Variants in PLEKHA4 observed in about 807,000 individuals in gnomAD.
The protein encoded by PLEKHA4 is pleckstrin homology domain-containing family A member 4.
A neutral mutation model predicts 94.7 loss-of-function variants in PLEKHA4; 73 were observed. The ratio of observed to expected loss-of-function variants is 0.77; its 90% CI spans 0.64 to 0.94. The LOEUF (loss-of-function observed/expected upper bound fraction) is 0.94, where lower values mean the gene tolerates loss of function less well. Among genes scored for constraint, PLEKHA4 ranks in the 40% least tolerant of loss-of-function variants. PLEKHA4 has a pLI of 0.00. For synonymous variants in PLEKHA4, 449 were observed against 437.1 expected, an observed-to-expected ratio of 1.03 and a Z score of -0.34; for missense variants, 1,049 against 1,054.1, an observed-to-expected ratio of 1.00 and a Z score of 0.07.
chr19:48,839,379 GT>G, intron 17 of PLEKHA4, 116 bp from the exon 18 acceptor site: 2 of 552,608 alleles, frequency 3.6e-6, no homozygotes, highest in South Asian at 3.8e-5. Context: ...CACTGGCAAT[GT>G]TTTGTTTTGT....
chr19:48,862,087 G>C (rs2036663909), intron 3 of PLEKHA4, among the ~76,000 whole-genome samples: 1 of 151,968 alleles, frequency 6.6e-6, no homozygotes, highest in African/African-American at 2.4e-5. Context: ...AAGACCCAGA[G>C]AGACAGAAGA....
At position 48,857,495 on chromosome 19, in the gene PLEKHA4, G is replaced by T; in HGVS notation, c.974C>A (p.Ala325Glu). The T allele has an allele frequency of 6.4e-7, 1 of 1,552,316 alleles. No homozygotes were observed. The highest frequency in any genetic ancestry group is 8.8e-7 in the Non-Finnish European group (1 of 1,139,798). The change falls in exon 9 of 20, where the codon GCA (alanine) becomes GAA (glutamate). Residue 325 changes from alanine to glutamate, a missense_variant and splice_region_variant. Physicochemically the swap from Ala to Glu is moderately radical, Grantham distance 107 (BLOSUM62 -1). Coordinates refer to ENST00000263265, the MANE Select transcript of PLEKHA4 (RefSeq NM_020904.3). ...QHWSQEPRTQ[A>E]HSGSPTYLQL... ...GAGATAAGTGGGGGAGCCAGAGTGTGCCTGGGAGGAACGTTGAAATGGAGA... is the reference window on the plus strand; with the variant it reads ...GAGATAAGTGGGGGAGCCAGAGTGTTCCTGGGAGGAACGTTGAAATGGAGA...
At chr19:48,862,204 C>CTTATTT in intron 3 of PLEKHA4, among the ~76,000 whole-genome samples, 1 of 135,512 alleles carries the variant, frequency 7.4e-6, no homozygotes, top group South Asian at 2.3e-4. Context: ...TTTTCTCTCT[C>CTTATTT]TTTTTTTTTT....
intron 13 of PLEKHA4, 125 bp from the exon 14 acceptor site, chr19:48,848,165 TC>T: frequency 9.0e-7 from 1 of 1,113,498 alleles, no homozygotes; most frequent in Non-Finnish European, 1.3e-6. Flanking sequence ...TTATTTTTTT[TC>T]CCATGTGGTT....
chr19:48,858,839 C>T, intron 8 of PLEKHA4, 21 bp downstream of exon 8: 2 of 1,613,292 alleles, frequency 1.2e-6, no homozygotes, highest in African/African-American at 1.3e-5. Flanking sequence ...GTAGTCCCCT[C>T]CTTCTCACCT....
In PLEKHA4 at chr19:48,867,667, G is replaced by A. The variant is rs1056858537; in HGVS notation, c.-6-41C>T. The A allele has an allele frequency of 1.7e-5, 26 of 1,534,990 alleles. No individual in the cohort carries two copies. Among genetic ancestry groups the A allele is most frequent in the Admixed American group, 3.9e-5 (2 of 51,066 alleles). ...AAAGGGGCTGTGTCTCTGCAGTGAC[G>A]GGTGTGAGACAGAGATGGGGTCAGG... On this transcript the variant is annotated intron_variant, in intron 1 of 19. Coordinates refer to ENST00000263265, the MANE Select transcript of PLEKHA4 (RefSeq NM_020904.3). This position sits in a 1 kb window ranked among gnomAD's most constrained non-coding sequence, Gnocchi z 4.7.
chr19:48,839,690 T>C (rs1256717642), intron 17 of PLEKHA4, among the ~76,000 whole-genome samples: 1 of 151,032 alleles, frequency 6.6e-6, no homozygotes, highest in Admixed American at 6.6e-5. Flanking sequence ...GGGTGAGCCA[T>C]AGCACCCAGT....
At chr19:48,844,799 G>A (rs1009208718) in intron 16 of PLEKHA4, among the ~76,000 whole-genome samples, 2 of 147,814 alleles carry the variant, frequency 1.4e-5, no homozygotes, top group Non-Finnish European at 3.0e-5. Context: ...CTCCACTCAG[G>A]GTGTCTTTTT....
In PLEKHA4 at chr19:48,841,210, C is replaced by CG; in HGVS notation, c.1843dup (p.Arg615ProfsTer17). The CG allele has an allele frequency of 2.5e-6, 4 of 1,612,884 alleles. No individual in the cohort carries two copies. Among genetic ancestry groups the CG allele is most frequent in the South Asian group, 1.1e-5 (1 of 90,826 alleles). ...CAGTGTCCTTCCCAGGGTGAGAAGC[C>CG]GGGGGGAGGTCGGGCGAGGGAAGGG... On this transcript the variant is annotated frameshift_variant, in exon 17 of 20. Coordinates refer to ENST00000263265, the MANE Select transcript of PLEKHA4 (RefSeq NM_020904.3). LOFTEE classifies it high-confidence loss of function.
Position 48,837,466 on chromosome 19 carries a change from G to A in PLEKHA4, c.2163C>T (p.Pro721=). The A allele has an allele frequency of 6.2e-7, 1 of 1,613,060 alleles. No individual in the cohort carries two copies. Among genetic ancestry groups the A allele is most frequent in the South Asian group, 1.1e-5 (1 of 91,058 alleles). The part of the protein sequence containing the change: ...SDPTRQETPP[P]RSPPVANSGS... Reference sequence around the variant, plus strand: ...CCGAATTAGCCACCGGGGGAGATCTGGGGGGAGGGGTCTCCTGGCGCGTGG... The same window carrying A: ...CCGAATTAGCCACCGGGGGAGATCTAGGGGGAGGGGTCTCCTGGCGCGTGG... The change falls in exon 20 of 20, where the codon CCC becomes CCT. Residue 721 remains proline (P), a synonymous_variant. Transcript: ENST00000263265. The surrounding 1 kb of genome is among the most constrained non-coding windows in gnomAD (Gnocchi z 4.3).
At chr19:48,847,842 G>A (rs1228607553) in intron 14 of PLEKHA4, 58 bp downstream of exon 14, 10 of 1,499,026 alleles carry the variant, frequency 6.7e-6, no homozygotes, top group Middle Eastern at 3.6e-4. Context: ...GGAATAGACT[G>A]AGTCAAGGAC....
At chr19:48,842,645 CCCCTGCTGCTCTTTGGACCT>C (rs2035813033) in intron 16 of PLEKHA4, among the ~76,000 whole-genome samples, 1 of 152,210 alleles carries the variant, frequency 6.6e-6, no homozygotes, top group East Asian at 1.9e-4. Flanking sequence ...GAGCCCCAAG[CCCCTGCTGCTCTTTGGACCT>C]CTCTGATCCA....
In PLEKHA4 at chr19:48,865,540, T is replaced by C. The variant is rs934786696; in HGVS notation, c.155A>G (p.Asn52Ser). Residue 52 changes from asparagine to serine, a missense_variant, in exon 3 of 20, where the codon AAC becomes AGC. Physicochemically the swap from Asn to Ser is conservative, Grantham distance 46 (BLOSUM62 1). Coordinates refer to ENST00000263265, the MANE Select transcript of PLEKHA4 (RefSeq NM_020904.3). ...KRGNALRRDP[N>S]LPVHIRGWLH... ...CCAGCCTCGGATGTGCACGGGAAGG[T>C]TGGGATCCCTCCTGAGCGCATTGCC... The C allele has an allele frequency of 4.3e-6, 7 of 1,613,848 alleles. No individual in the cohort carries two copies. Among genetic ancestry groups the C allele is most frequent in the South Asian group, 2.2e-5 (2 of 91,068 alleles).
At chr19:48,841,355 C>A in intron 16 of PLEKHA4, 45 bp from the exon 17 acceptor site, 1 of 1,541,496 alleles carries the variant, frequency 6.5e-7, no homozygotes, top group South Asian at 1.2e-5. Flanking sequence ...TTAGGCCAGG[C>A]ACAGTGGCTC....
At position 48,867,473 on chromosome 19, in the gene PLEKHA4, G is replaced by T; in HGVS notation, c.84+64C>A. The T allele has an allele frequency of 1.3e-6, 2 of 1,522,076 alleles. No individual in the cohort carries two copies. The highest frequency in any genetic ancestry group is 1.8e-6 in the Non-Finnish European group (2 of 1,123,618). The allele number at this position is 1,522,076 out of a possible 1,614,324, so 94.3% of individuals were successfully genotyped here. ...GTCCTTAACAACCAGAGTCCTTGGG[G>T]AAACAGAAGGATGGGCGGCCCAGAG... On this transcript the variant is annotated intron_variant, in intron 2 of 19. Transcript: ENST00000263265. The surrounding 1 kb of genome is among the most constrained non-coding windows in gnomAD (Gnocchi z 4.7).
chr19:48,843,148 A>C (rs1278784471), intron 16 of PLEKHA4, among the ~76,000 whole-genome samples: 1 of 151,918 alleles, frequency 6.6e-6, no homozygotes, highest in Non-Finnish European at 1.5e-5. Context: ...AAGCACAAGA[A>C]ATGCCTTCTT....
intron 12 of PLEKHA4, 25 bp downstream of exon 12, chr19:48,853,657 G>C (rs745719694): frequency 6.6e-7 from 1 of 1,508,992 alleles, no homozygotes; most frequent in Admixed American, 2.2e-5. Flanking sequence ...CTCCTAGGAG[G>C]GCAGGCCCCT....
chr19:48,857,485 G>T lies in PLEKHA4; in HGVS notation c.984C>A (p.Gly328=). Residue 328 remains glycine, a synonymous_variant, in exon 9 of 20, where the codon GGC becomes GGA. Transcript: ENST00000263265. ...SQEPRTQAHS[G]SPTYLQLPPR... ...GGGGGAGCTGGAGATAAGTGGGGGAGCCAGAGTGTGCCTGGGAGGAACGTT... is the reference window on the plus strand; with the variant it reads ...GGGGGAGCTGGAGATAAGTGGGGGATCCAGAGTGTGCCTGGGAGGAACGTT... The T allele has an allele frequency of 6.4e-7, 1 of 1,556,298 alleles. No individual in the cohort carries two copies. The highest frequency in any genetic ancestry group is 8.7e-7 in the Non-Finnish European group (1 of 1,146,824).
chr19:48,863,634 T>C (rs1321352747), intron 3 of PLEKHA4, among the ~76,000 whole-genome samples: 1 of 149,726 alleles, frequency 6.7e-6, no homozygotes, highest in Non-Finnish European at 1.5e-5. Context: ...GAGATGGGGG[T>C]TCACCGTGTT....
Sources: gnomAD v4.1 joint callset for allele counts (sites outside exome capture counted in the v4.1 genomes callset) on GRCh38, gnomAD v4.1.1 for gene constraint, Gnocchi (gnomAD v3.1) non-coding constraint, MANE v1.5 for transcripts, NCBI Gene and HGNC (gene_info 2026-07-23, HGNC 2026-07-21) for gene names.